The following DNAH8 variants were observed in gnomAD, a reference collection of about 807,000 sequenced individuals.
DNAH8 encodes the protein dynein axonemal heavy chain 8.
Under a neutral mutation model 562.1 loss-of-function variants are expected in DNAH8, and 382 were observed. The observed-to-expected ratio is 0.68, with a 90% CI of 0.63 to 0.74. The LOEUF (loss-of-function observed/expected upper bound fraction) is 0.74, where lower values mean the gene tolerates loss of function less well. Ranked by LOEUF, DNAH8 falls within the 30% of genes least tolerant of loss-of-function variation. The pLI is 0.00. For missense variants in DNAH8, 5,203 were observed against 5,620.4 expected, an observed-to-expected ratio of 0.93 and a Z score of 2.37; for synonymous variants, 1,881 against 1,919.4, an observed-to-expected ratio of 0.98 and a Z score of 0.52.
In DNAH8 at chr6:39,030,428, A is replaced by G. The variant is rs773098590; in HGVS notation, c.*36A>G. ...ATCTGCTCAGGGCACCAGAACCCAC[A>G]TAGACAGCCTGTGCTATTGAGGGAC... On this transcript the variant is annotated 3_prime_UTR_variant, in exon 93 of 93. Transcript: ENST00000327475. 24 of 1,583,330 alleles carry G rather than the reference A, an allele frequency of 1.5e-5. No homozygotes were observed. The Admixed American group carries it at 3.4e-4, about 22-fold the overall frequency.
rs1465195227 is a variant in DNAH8, at chr6:38,862,459, G to T, written c.6310+1G>T. 3 of 1,602,216 alleles carry T rather than the reference G, an allele frequency of 1.9e-6. No individual in the cohort carries two copies. Among genetic ancestry groups the T allele is most frequent in the Non-Finnish European group, 2.6e-6 (3 of 1,174,876 alleles). On this transcript the variant is annotated splice_donor_variant, in intron 44 of 92. Coordinates refer to ENST00000327475, the MANE Select transcript of DNAH8 (RefSeq NM_001206927.2). LOFTEE classifies it high-confidence loss of function. ...AGAGGCCTAGGAAGGATTTTCAAAG[G>T]CAAGTGTCAAATAATGTAGATTATT...
intron 7 of DNAH8, among the ~76,000 whole-genome samples, chr6:38,741,007 C>G (rs1221306337): frequency 6.6e-6 from 1 of 152,114 alleles, no homozygotes; most frequent in African/African-American, 2.4e-5. Flanking sequence ...CCTTCTGTTT[C>G]TTTAGTTACC....
intron 83 of DNAH8, among the ~76,000 whole-genome samples, chr6:38,972,957 T>C (rs1181685453): frequency 6.6e-6 from 1 of 152,222 alleles, no homozygotes; most frequent in East Asian, 1.9e-4. Flanking sequence ...TGCCTTGCCA[T>C]ATATTTATCA....
intron 24 of DNAH8, among the ~76,000 whole-genome samples, chr6:38,810,260 T>C (rs182857015): frequency 1.3e-5 from 2 of 152,198 alleles, no homozygotes; most frequent in Non-Finnish European, 2.9e-5. Context: ...TTTAAGTGAT[T>C]ACCCTTAACT....
chr6:39,026,078 A>G (rs1291350845), intron 91 of DNAH8, among the ~76,000 whole-genome samples: 1 of 152,210 alleles, frequency 6.6e-6, no homozygotes, highest in Non-Finnish European at 1.5e-5. Flanking sequence ...TTTTGGCATT[A>G]TGCCTTATTT....
chr6:38,973,181 G>A (rs1763454359), intron 83 of DNAH8, among the ~76,000 whole-genome samples: 2 of 152,166 alleles, frequency 1.3e-5, no homozygotes, highest in South Asian at 4.1e-4. Context: ...AAAGAATAAA[G>A]CTTAGCATTA....
chr6:38,843,747 TG>T (rs545208366), intron 35 of DNAH8, among the ~76,000 whole-genome samples: 185 of 152,300 alleles, frequency 1.2e-3, no homozygotes, highest in African/African-American at 4.2e-3. Flanking sequence ...ATTTTTTTCA[TG>T]GGTTTTGTAA....
At chr6:39,008,504 G>A (rs1412458526) in intron 88 of DNAH8, among the ~76,000 whole-genome samples, 1 of 152,128 alleles carries the variant, frequency 6.6e-6, no homozygotes, top group Non-Finnish European at 1.5e-5. Flanking sequence ...TTCAGCATGA[G>A]GTGGTCAGGT....
intron 85 of DNAH8, among the ~76,000 whole-genome samples, chr6:38,978,589 T>C (rs1023950178): frequency 6.6e-6 from 1 of 152,220 alleles, no homozygotes; most frequent in Non-Finnish European, 1.5e-5. Context: ...TTCCCTTACA[T>C]TGTCTAGTGT....
intron 82 of DNAH8, among the ~76,000 whole-genome samples, chr6:38,957,369 T>C (rs1762314645): frequency 6.6e-6 from 1 of 150,758 alleles, no homozygotes; most frequent in African/African-American, 2.4e-5. Flanking sequence ...TAGACTGCAA[T>C]ACAATAATAG....
At chr6:38,834,738 A>G (rs1186487536) in intron 32 of DNAH8, 97 bp downstream of exon 32, 20 of 925,528 alleles carry the variant, frequency 2.2e-5, no homozygotes, top group Non-Finnish European at 3.4e-5. Flanking sequence ...AAAAGTTTGT[A>G]TTTCAAGTAC....
chr6:38,984,298 C>T lies in DNAH8; in HGVS notation c.13044C>T (p.Cys4348=), dbSNP rs1764224603. Residue 4348 remains cysteine (C), a synonymous_variant, in exon 87 of 93, where the codon TGC becomes TGT. Coordinates refer to ENST00000327475, the MANE Select transcript of DNAH8 (RefSeq NM_001206927.2). ...ACTTTGACAAACGTCTACTTAATTG[C>T]TTTGCCAGAGTAAGTCAATTTAGAA... The part of the protein sequence containing the change: ...TDDFDKRLLN[C]FARVWFSEKM... 1 of 1,594,390 alleles carries T rather than the reference C, an allele frequency of 6.3e-7. No individual in the cohort carries two copies. Among genetic ancestry groups the T allele is most frequent in the Non-Finnish European group, 8.6e-7 (1 of 1,162,042 alleles).
At chr6:39,016,057 A>G (rs925611810) in intron 91 of DNAH8, among the ~76,000 whole-genome samples, 4 of 152,214 alleles carry the variant, frequency 2.6e-5, no homozygotes, top group South Asian at 4.2e-4. Context: ...GATTACAGCT[A>G]CTCCATACAT....
chr6:38,754,593 T>C (rs949595651), intron 9 of DNAH8, among the ~76,000 whole-genome samples: 3 of 152,128 alleles, frequency 2.0e-5, no homozygotes, highest in Admixed American at 6.5e-5. Flanking sequence ...TCTTGTCTTA[T>C]CAATTAAAAG....
chr6:38,748,638 C>A (rs1396940918), intron 8 of DNAH8, among the ~76,000 whole-genome samples: 1 of 151,892 alleles, frequency 6.6e-6, no homozygotes, highest in African/African-American at 2.4e-5. Context: ...CCTGTAATCC[C>A]AGCACTTTGC....
At chr6:38,888,821 A>G (rs1389360899) in intron 57 of DNAH8, among the ~76,000 whole-genome samples, 1 of 152,200 alleles carries the variant, frequency 6.6e-6, no homozygotes, top group Non-Finnish European at 1.5e-5. Flanking sequence ...TTGGATAACA[A>G]TTTTGCATCC....
At chr6:38,923,379 A>T in intron 72 of DNAH8, 194 bp downstream of exon 72, 1 of 610,264 alleles carries the variant, frequency 1.6e-6, no homozygotes, top group Middle Eastern at 4.9e-4. Context: ...GCTGTGGTTC[A>T]GCACTGTGGG....
At chr6:38,763,209 A>T in intron 11 of DNAH8, 1 of 265,764 alleles carries the variant, frequency 3.8e-6, no homozygotes, top group Non-Finnish European at 7.4e-6. Flanking sequence ...AGTTCCTTCT[A>T]AAAGTGAAGC....
intron 8 of DNAH8, among the ~76,000 whole-genome samples, chr6:38,748,176 G>C (rs1284562218): frequency 1.3e-5 from 2 of 152,176 alleles, no homozygotes; most frequent in African/African-American, 4.8e-5. Context: ...ATGAATTTGT[G>C]GATCAAAGGC....
Sources: allele counts gnomAD v4.1 joint callset (sites outside exome capture counted in the v4.1 genomes callset), GRCh38; gene constraint gnomAD v4.1.1; transcripts MANE v1.5; gene names NCBI Gene and HGNC (gene_info 2026-07-23, HGNC 2026-07-21).